Variants in GLI3 observed in about 807,000 individuals in gnomAD.
GLI3 encodes the protein GLI family zinc finger 3.
GLI3 carries 20 observed loss-of-function variants against 100.8 expected under a neutral mutation model. The observed-to-expected ratio is 0.20, with a 90% CI of 0.14 to 0.29. The LOEUF (loss-of-function observed/expected upper bound fraction) is 0.29. GLI3 is among the 10% of genes least tolerant of loss of function. GLI3 has a pLI of 1.00. For synonymous variants in GLI3, 938 were observed against 860.5 expected (o/e 1.09, Z -1.58); for missense variants, 2,040 against 2,128.5 (o/e 0.96, Z 0.82).
chr7:42,081,667 T>A (rs1784999120), intron 3 of GLI3, among the ~76,000 whole-genome samples: 1 of 152,142 alleles, frequency 6.6e-6, no homozygotes, highest in Admixed American at 6.5e-5. Flanking sequence ...TCTAGTTGCA[T>A]CCTTCTCCCA....
At chr7:42,167,961 C>A (rs1303646329) in intron 2 of GLI3, among the ~76,000 whole-genome samples, 1 of 152,154 alleles carries the variant, frequency 6.6e-6, no homozygotes, top group African/African-American at 2.4e-5. Context: ...CAATTTCTTA[C>A]CCCAAAGATT....
chr7:42,238,223 C>A (rs565135547), upstream of GLI3, among the ~76,000 whole-genome samples: 3 of 152,120 alleles, frequency 2.0e-5, no homozygotes, highest in Non-Finnish European at 2.9e-5. Flanking sequence ...GGACACCCCC[C>A]AAATGCGCGC....
chr7:42,157,839 C>T (rs1787040647), intron 2 of GLI3, among the ~76,000 whole-genome samples: 1 of 152,080 alleles, frequency 6.6e-6, no homozygotes, highest in South Asian at 2.1e-4. Flanking sequence ...CTATTTATTC[C>T]ATCCCTTGAA....
Position 42,007,092 on chromosome 7 carries a change from A to T in GLI3, c.1497+16376T>A, listed in dbSNP as rs1270578331. On this transcript the variant is annotated intron_variant, in intron 10 of 14. Transcript: ENST00000395925. ...AAGGAAACGTTCATTCTTAACTCGA[A>T]ATTCTTGAAGGAGAGAAGGAAAATG... 2.0e-5 allele frequency among the ~76,000 whole-genome samples: 3 copies of T among 152,062 alleles called. No individual in the cohort carries two copies. The East Asian group carries it at 5.8e-4, about 29-fold the overall frequency.
rs117578530 is a variant in GLI3 at position 42,114,156 on chromosome 7, C to G, written c.367+34070G>C. On this transcript the variant is annotated intron_variant, in intron 3 of 14. Coordinates refer to ENST00000395925, the MANE Select transcript of GLI3 (RefSeq NM_000168.6). Reference sequence around the variant, plus strand: ...TTGTGGATCTTCAGATAAATTCTGCCATTTTCATTCCACTTCCTGAAAGTC... The same window carrying G: ...TTGTGGATCTTCAGATAAATTCTGCGATTTTCATTCCACTTCCTGAAAGTC... 8.4e-3 allele frequency among the ~76,000 whole-genome samples: 1,279 copies of G among 152,328 alleles called. 7 individuals carry two copies. The highest frequency in any genetic ancestry group is 0.015 in the Non-Finnish European group (1,015 of 68,026).
At chr7:42,228,338 A>T (rs923459227) in intron 1 of GLI3, among the ~76,000 whole-genome samples, 2 of 151,954 alleles carry the variant, frequency 1.3e-5, no homozygotes, top group African/African-American at 4.8e-5. Flanking sequence ...TTTGGGAGAC[A>T]ATGCATCTCC....
At chr7:42,100,772 A>G (rs994287305) in intron 3 of GLI3, among the ~76,000 whole-genome samples, 1 of 152,108 alleles carries the variant, frequency 6.6e-6, no homozygotes, top group African/African-American at 2.4e-5. Flanking sequence ...GGGTTTGTAC[A>G]CAGACACACC....
At chr7:42,180,367 G>A (rs1484639117) in intron 2 of GLI3, among the ~76,000 whole-genome samples, 1 of 152,210 alleles carries the variant, frequency 6.6e-6, no homozygotes, top group African/African-American at 2.4e-5. Flanking sequence ...AATGGCTGAG[G>A]GTGAAAACAG....
At chr7:42,182,766 C>T (rs1225495895) in intron 2 of GLI3, among the ~76,000 whole-genome samples, 1 of 141,936 alleles carries the variant, frequency 7.0e-6, no homozygotes, top group East Asian at 2.1e-4. Flanking sequence ...TTTTGGCAAA[C>T]AAGAGTCCCA....
chr7:42,127,150 G>T (rs1786153548), intron 3 of GLI3, among the ~76,000 whole-genome samples: 1 of 152,194 alleles, frequency 6.6e-6, no homozygotes, highest in East Asian at 1.9e-4. Context: ...CATGGCTCTT[G>T]ATTGCAGGCA....
At chr7:42,080,413 A>C (rs149586459) in intron 3 of GLI3, among the ~76,000 whole-genome samples, 265 of 152,364 alleles carry the variant, frequency 1.7e-3, no homozygotes, top group Non-Finnish European at 3.1e-3. Context: ...CAGAAAATTA[A>C]TGGATATGAT....
chr7:42,261,478 G>A (rs1000869674), intron 1 of GLI3, among the ~76,000 whole-genome samples: 4 of 151,988 alleles, frequency 2.6e-5, no homozygotes, highest in Non-Finnish European at 4.4e-5. Flanking sequence ...TCCACTAACC[G>A]TTCACTGTAT....
At chr7:42,089,559 A>C (rs1017272709) in intron 3 of GLI3, among the ~76,000 whole-genome samples, 1 of 152,206 alleles carries the variant, frequency 6.6e-6, no homozygotes, top group African/African-American at 2.4e-5. Flanking sequence ...AAAATCGGGA[A>C]AAGGCCAAAT....
chr7:42,138,721 C>T lies in GLI3; in HGVS notation c.367+9505G>A, dbSNP rs374083059. ...GGCATTTGCTTCTCAGCATCCCCCA[C>T]GTGCACTTCTCTGCTCTTGTCTAAA... On this transcript the variant is annotated intron_variant, in intron 3 of 14. Coordinates refer to ENST00000395925, the MANE Select transcript of GLI3 (RefSeq NM_000168.6). Among the ~76,000 whole-genome samples, 27 of 152,338 alleles carry T rather than the reference C, an allele frequency of 1.8e-4. No individual in the cohort carries two copies. The South Asian group carries it at 5.2e-3, about 29-fold the overall frequency.
At chr7:42,192,779 G>C (rs1787852491) in intron 2 of GLI3, among the ~76,000 whole-genome samples, 1 of 152,192 alleles carries the variant, frequency 6.6e-6, no homozygotes, top group Non-Finnish European at 1.5e-5. Context: ...CATACCTTGG[G>C]GTCCACTTCA....
intron 3 of GLI3, among the ~76,000 whole-genome samples, chr7:42,116,557 A>T (rs1265708624): frequency 6.6e-6 from 1 of 151,926 alleles, no homozygotes; most frequent in East Asian, 1.9e-4. Context: ...TTTTCAACCC[A>T]TTCGTAAAAT....
chr7:41,984,356 G>A (rs1001848320), intron 10 of GLI3, among the ~76,000 whole-genome samples: 7 of 152,116 alleles, frequency 4.6e-5, no homozygotes, highest in Admixed American at 6.5e-5. Context: ...TAAAGCCGCC[G>A]TTCACGCAGC....
intron 10 of GLI3, among the ~76,000 whole-genome samples, chr7:42,020,455 G>T (rs1177633996): frequency 6.6e-6 from 1 of 152,062 alleles, no homozygotes; most frequent in Non-Finnish European, 1.5e-5. Flanking sequence ...CAGGCAGTCG[G>T]GACTGTCAGA....
chr7:42,040,452 T>G (rs1784110716), intron 6 of GLI3, among the ~76,000 whole-genome samples: 1 of 152,192 alleles, frequency 6.6e-6, no homozygotes, highest in East Asian at 1.9e-4. Context: ...GGGAGCTCTG[T>G]TTATTAATGT....
Sources: allele counts gnomAD v4.1 joint callset (sites outside exome capture counted in the v4.1 genomes callset), GRCh38; gene constraint gnomAD v4.1.1; transcripts MANE v1.5; gene names NCBI Gene and HGNC (gene_info 2026-07-23, HGNC 2026-07-21).